The following RNF135 variants were observed in gnomAD, a reference collection of about 807,000 sequenced individuals.
RNF135 encodes the protein ring finger protein 135.
A neutral mutation model predicts 41.9 loss-of-function variants in RNF135; 46 were observed. The observed-to-expected ratio is 1.10, with a 90% CI of 0.87 to 1.40. RNF135 has a LOEUF of 1.40. RNF135 is among the 40% of genes most tolerant of loss of function. The probability of loss-of-function intolerance (pLI) is 0.00; values close to 1 mark genes in which losing one functional copy is unlikely to be tolerated. For missense variants in RNF135, 539 were observed against 549.8 expected (o/e 0.98, Z 0.20); for synonymous variants, 238 against 223.8 (o/e 1.06, Z -0.57).
chr17:30,983,320 CATATATATATATATATAT>C (rs1189144519), intron 1 of RNF135, among the ~76,000 whole-genome samples: 8 of 37,070 alleles, frequency 2.2e-4, no homozygotes, highest in South Asian at 1.3e-3. Context: ...CATATATGTA[CATATATATATATATATAT>C]ATATATATAT....
chr17:30,971,646 T>A (rs1292699450), intron 1 of RNF135: 4 of 1,352,156 alleles, frequency 3.0e-6, no homozygotes, highest in Non-Finnish European at 3.8e-6. Flanking sequence ...AAATTCCCCA[T>A]CTTCCGAAAG....
chr17:30,960,987 C>A, the RNF135 span, among the ~76,000 whole-genome samples: 1 of 152,102 alleles, frequency 6.6e-6, no homozygotes, highest in South Asian at 2.1e-4. Context: ...GATCCACCTG[C>A]CTCGGCCTCC....
upstream of RNF135, among the ~76,000 whole-genome samples, chr17:30,967,278 C>T (rs1905589426): frequency 6.6e-6 from 1 of 152,080 alleles, no homozygotes; most frequent in African/African-American, 2.4e-5. Context: ...GTTCCGCTCA[C>T]CTTGGCCTCT....
intron 3 of RNF135, among the ~76,000 whole-genome samples, chr17:30,994,611 TTTC>T (rs1357602611): frequency 6.6e-6 from 1 of 151,976 alleles, no homozygotes; most frequent in Non-Finnish European, 1.5e-5. Flanking sequence ...TCCAGATCAT[TTTC>T]TTTTTTGTAA....
chr17:30,972,423 A>AT (rs1843282844), intron 1 of RNF135: 2 of 151,916 alleles, frequency 1.3e-5, no homozygotes, highest in South Asian at 4.2e-4. Flanking sequence ...TATTTTAACC[A>AT]TTTTTAAGTG....
At chr17:30,988,484 G>A (rs1373032324) in intron 3 of RNF135, among the ~76,000 whole-genome samples, 5 of 124,426 alleles carry the variant, frequency 4.0e-5, no homozygotes, top group Non-Finnish European at 6.3e-5. Flanking sequence ...CTGGAGTGCA[G>A]TGGCACCATC....
At chr17:30,988,755 C>CT (rs566490842) in intron 3 of RNF135, among the ~76,000 whole-genome samples, 2,291 of 127,240 alleles carry the variant, frequency 0.018, 23 homozygotes, top group African/African-American at 0.033. Context: ...ATGTCTTCTT[C>CT]TTTTTTTTTT....
chr17:30,996,037 A>G (rs1338631280), intron 3 of RNF135, among the ~76,000 whole-genome samples: 1 of 151,280 alleles, frequency 6.6e-6, no homozygotes, highest in African/African-American at 2.4e-5. Flanking sequence ...TCAGCCTCCC[A>G]AAGTATTGGG....
intron 1 of RNF135, chr17:30,975,563 C>A: frequency 1.3e-6 from 1 of 789,808 alleles, no homozygotes; most frequent in Non-Finnish European, 2.3e-6. Flanking sequence ...CCCAACAATA[C>A]TCCAGGTCTG....
rs1162720804 is a variant in RNF135, at chr17:30,983,159, A to G, written c.373-1458A>G. ...TATGCCACTTTTTGCTTATTCATTC[A>G]TTTGTCTGCAGATACTTGGGTTGCT... On this transcript the variant is annotated intron_variant, in intron 1 of 4. Transcript: ENST00000328381. 4.0e-4 allele frequency among the ~76,000 whole-genome samples: 61 copies of G among 150,968 alleles called. 2 individuals carry two copies. In the Admixed American group the frequency reaches 4.0e-3, roughly 10 times the overall value.
chr17:30,980,741 G>A (rs1473431537), intron 1 of RNF135, among the ~76,000 whole-genome samples: 1 of 139,270 alleles, frequency 7.2e-6, no homozygotes, highest in East Asian at 2.2e-4. Flanking sequence ...TGGGGCAGAG[G>A]TGCTCCCCAC....
the RNF135 span, chr17:30,959,777 T>C: frequency 2.6e-5 from 4 of 152,186 alleles, no homozygotes; most frequent in African/African-American, 9.7e-5. Context: ...ACTTCCGTGC[T>C]GGTCAGTAGA....
At chr17:30,977,714 G>A (rs568453686) in intron 1 of RNF135, among the ~76,000 whole-genome samples, 59 of 151,824 alleles carry the variant, frequency 3.9e-4, no homozygotes, top group African/African-American at 1.4e-3. Context: ...GATTACAGGC[G>A]CCCACCACCA....
At chr17:30,967,241 G>A (rs1905588081), upstream of RNF135, among the ~76,000 whole-genome samples, 1 of 151,898 alleles carries the variant, frequency 6.6e-6, no homozygotes, top group Non-Finnish European at 1.5e-5. Context: ...GGTTGGCCAG[G>A]CTGGTTTCAA....
the RNF135 span, among the ~76,000 whole-genome samples, chr17:30,960,069 T>C: frequency 6.6e-6 from 1 of 151,408 alleles, no homozygotes; most frequent in East Asian, 1.9e-4. Flanking sequence ...ACAGAACCAA[T>C]GATATACATA....
In RNF135 at chr17:30,971,343, C is replaced by G; in HGVS notation, c.270C>G (p.Arg90=). 1 of 1,533,470 alleles carries G rather than the reference C, an allele frequency of 6.5e-7. No homozygotes were observed. Among genetic ancestry groups the G allele is most frequent in the Non-Finnish European group, 8.7e-7 (1 of 1,143,684 alleles). The allele number at this position is 1,533,470 out of a possible 1,614,324, so 95.0% of individuals were successfully genotyped here. The change falls in exon 1 of 5, where the codon CGC becomes CGG. Residue 90 remains arginine, a synonymous_variant. Coordinates refer to ENST00000328381, the MANE Select transcript of RNF135 (RefSeq NM_032322.4). The part of the protein sequence containing the change: ...DLADKYRRAA[R]EIQAGSDPAH... ...CCGACAAGTACCGCCGCGCCGCACG[C>G]GAGATACAGGCGGGCTCCGACCCTG...
intron 1 of RNF135, among the ~76,000 whole-genome samples, chr17:30,978,070 C>T (rs1906624462): frequency 6.6e-6 from 1 of 152,170 alleles, no homozygotes; most frequent in African/African-American, 2.4e-5. Flanking sequence ...TTCTCCTGGC[C>T]TATAAGGTTT....
At chr17:30,970,717 TA>T (rs1181889182), upstream of RNF135, 1 of 314,014 alleles carries the variant, frequency 3.2e-6, no homozygotes, top group Admixed American at 5.0e-5. Context: ...TTTTGTTGTT[TA>T]TTTTTTTTTA....
At chr17:30,980,674 C>T (rs1598087283) in intron 1 of RNF135, among the ~76,000 whole-genome samples, 1 of 137,364 alleles carries the variant, frequency 7.3e-6, no homozygotes, top group African/African-American at 2.7e-5. Context: ...ACGCTCCTCA[C>T]CTCCCAGACA....
Sources: gnomAD v4.1 joint callset for allele counts (sites outside exome capture counted in the v4.1 genomes callset) on GRCh38, gnomAD v4.1.1 for gene constraint, MANE v1.5 for transcripts, NCBI Gene and HGNC (gene_info 2026-07-23, HGNC 2026-07-21) for gene names.